Variants in SSUH2 observed in about 807,000 individuals in gnomAD.
The protein encoded by SSUH2 is protein SSUH2 homolog.
Under a neutral mutation model 55.3 loss-of-function variants are expected in SSUH2, and 47 were observed. The observed-to-expected ratio is 0.85, with a 90% CI of 0.67 to 1.08. The LOEUF is 1.08. Ranked by LOEUF, SSUH2 falls within the 50% of genes least tolerant of loss-of-function variation. The probability of loss-of-function intolerance (pLI) is 0.00; values close to 1 mark genes in which losing one functional copy is unlikely to be tolerated. For missense variants in SSUH2, 535 were observed against 490.7 expected (o/e 1.09, Z -0.85); for synonymous variants, 212 against 191.5 (o/e 1.11, Z -0.89).
rs75580588 is a variant in SSUH2, at chr3:8,643,281, G to T, written c.28+1450C>A. Among the ~76,000 whole-genome samples, 784 of 152,260 alleles carry T rather than the reference G, an allele frequency of 5.1e-3. 7 individuals carry two copies. Among genetic ancestry groups the T allele is most frequent in the Middle Eastern group, 0.027 (8 of 294 alleles). On this transcript the variant is annotated intron_variant, in intron 1 of 11. Transcript: ENST00000544814. ...GAAATGAAATTCAGAGAGGTTAAGT[G>T]ACTTGAGCAAAGTCACCCAGAAACT...
chr3:8,641,296 G>A (rs138159402), intron 1 of SSUH2, among the ~76,000 whole-genome samples: 1,580 of 152,332 alleles, frequency 0.01, 9 homozygotes, highest in Non-Finnish European at 0.016. Context: ...GTAGATCAAT[G>A]TTTTATTCAT....
upstream of SSUH2, among the ~76,000 whole-genome samples, chr3:8,648,323 C>T (rs950421421): frequency 1.3e-5 from 2 of 152,134 alleles, no homozygotes; most frequent in Non-Finnish European, 2.9e-5. Context: ...TGTTATGTGT[C>T]GTTGTAAGAA....
intron 11 of SSUH2, among the ~76,000 whole-genome samples, chr3:8,622,772 AT>A (rs980223994): frequency 5.9e-5 from 9 of 152,200 alleles, no homozygotes; most frequent in Non-Finnish European, 1.3e-4. Flanking sequence ...AGAAAGGGAC[AT>A]TTTGAGCACC....
At chr3:8,633,107 G>A (rs1356800714) in intron 4 of SSUH2, among the ~76,000 whole-genome samples, 3 of 151,558 alleles carry the variant, frequency 2.0e-5, no homozygotes, top group Admixed American at 1.3e-4. Flanking sequence ...ATGATGCCTG[G>A]CATGTTCAAG....
intron 1 of SSUH2, among the ~76,000 whole-genome samples, chr3:8,680,816 A>C (rs1705884845): frequency 6.6e-6 from 1 of 152,060 alleles, no homozygotes; most frequent in Non-Finnish European, 1.5e-5. Context: ...AGAATATTGC[A>C]GGGTGGGTGT....
At chr3:8,623,891 G>A (rs903117) in intron 10 of SSUH2, among the ~76,000 whole-genome samples, 287 of 152,288 alleles carry the variant, frequency 1.9e-3, no homozygotes, top group African/African-American at 6.0e-3. Flanking sequence ...CCTGTGTGCC[G>A]GGCACCGCGC....
rs13099379 is a variant in SSUH2, at chr3:8,674,942, G to A, written c.-753+2264C>T. ...CAGCCGGTTAGGCAAAAACAGGACC[G>A]GGTCCCCAGAGAAGCTCTTCAAGGT... On this transcript the variant is annotated intron_variant, in intron 3 of 18. Transcript: ENST00000317371. Among the ~76,000 whole-genome samples, 736 of 152,202 alleles carry A rather than the reference G, an allele frequency of 4.8e-3. 6 individuals carry two copies. Among genetic ancestry groups the A allele is most frequent in the Non-Finnish European group, 8.3e-3 (566 of 68,002 alleles).
chr3:8,645,171 G>A (rs879773605), upstream of SSUH2, among the ~76,000 whole-genome samples: 6 of 152,204 alleles, frequency 3.9e-5, no homozygotes, highest in Admixed American at 1.3e-4. Flanking sequence ...ATTGTAGGGC[G>A]CATGCAGAAA....
upstream of SSUH2, among the ~76,000 whole-genome samples, chr3:8,649,258 C>G (rs959442283): frequency 6.6e-6 from 1 of 152,178 alleles, no homozygotes; most frequent in African/African-American, 2.4e-5. Flanking sequence ...CCACATCTTA[C>G]CACATCTCCT....
At chr3:8,661,159 T>C (rs1012718430) in intron 6 of SSUH2, among the ~76,000 whole-genome samples, 1 of 152,228 alleles carries the variant, frequency 6.6e-6, no homozygotes, top group African/African-American at 2.4e-5. Flanking sequence ...TATTTTACAA[T>C]TGTAAGTAAC....
intron 2 of SSUH2, 105 bp downstream of exon 2, chr3:8,635,654 A>T: frequency 9.0e-7 from 1 of 1,110,974 alleles, no homozygotes; most frequent in Non-Finnish European, 1.2e-6. Context: ...GGGCCCCCCC[A>T]GGGAAAGGGG....
chr3:8,639,555 C>T (rs1405770102), intron 1 of SSUH2, among the ~76,000 whole-genome samples: 1 of 152,154 alleles, frequency 6.6e-6, no homozygotes, highest in Non-Finnish European at 1.5e-5. Flanking sequence ...CAAAGAGAGT[C>T]GCCAAGGTAG....
chr3:8,666,642 G>C (rs1167881873), intron 5 of SSUH2, among the ~76,000 whole-genome samples: 1 of 152,194 alleles, frequency 6.6e-6, no homozygotes. Context: ...TGTAGGCAGG[G>C]GGCAGGGGTT....
At chr3:8,629,149 A>G (rs936598255) in intron 7 of SSUH2, 18 of 153,810 alleles carry the variant, frequency 1.2e-4, no homozygotes, top group Non-Finnish European at 1.4e-4. Flanking sequence ...GTGAGCCACC[A>G]CGCCCAGCTG....
chr3:8,631,945 G>GCTC, intron 5 of SSUH2, 104 bp downstream of exon 5: 1 of 885,906 alleles, frequency 1.1e-6, no homozygotes, highest in Non-Finnish European at 1.9e-6. Context: ...CCAAGCAGAA[G>GCTC]ACCATCTTAT....
chr3:8,675,313 C>T (rs1384732450), intron 3 of SSUH2, among the ~76,000 whole-genome samples: 2 of 152,198 alleles, frequency 1.3e-5, no homozygotes, highest in Non-Finnish European at 2.9e-5. Context: ...GACCGGGCTT[C>T]CCCAAGGGTT....
At chr3:8,644,048 A>T (rs1249576893) in intron 1 of SSUH2, among the ~76,000 whole-genome samples, 1 of 151,944 alleles carries the variant, frequency 6.6e-6, no homozygotes, top group Non-Finnish European at 1.5e-5. Flanking sequence ...CGGATTCAAA[A>T]ATTTCCCTTT....
intron 3 of SSUH2, chr3:8,634,018 T>C: frequency 6.8e-7 from 1 of 1,466,084 alleles, no homozygotes; most frequent in South Asian, 1.3e-5. Context: ...CAAAAACACT[T>C]TAGTTGAAAT....
intron 2 of SSUH2, among the ~76,000 whole-genome samples, chr3:8,678,318 C>G (rs144318472): frequency 6.6e-6 from 1 of 152,054 alleles, no homozygotes. Flanking sequence ...TGGGTGTACA[C>G]CTCGTGCTCT....
Sources: gnomAD v4.1 joint callset for allele counts (sites outside exome capture counted in the v4.1 genomes callset) on GRCh38, gnomAD v4.1.1 for gene constraint, MANE v1.5 for transcripts, NCBI Gene and HGNC (gene_info 2026-07-23, HGNC 2026-07-21) for gene names.